TENM4: variants seen among roughly 807,000 people sequenced by gnomAD.
The protein encoded by TENM4 is teneurin-4.
In TENM4, 82 loss-of-function variants were observed where a neutral mutation model predicts 243.3. The observed-to-expected ratio is 0.34, with a 90% CI of 0.28 to 0.40. The LOEUF is 0.40. Among genes scored for constraint, TENM4 ranks in the 10% least tolerant of loss-of-function variants. The pLI is 1.00. For synonymous variants in TENM4, 1,412 were observed against 1,456.3 expected (o/e 0.97, Z 0.69); for missense variants, 3,138 against 3,673.3 (o/e 0.85, Z 3.77).
intron 28 of TENM4, 120 bp from the exon 29 acceptor site, chr11:78,688,346 A>G: frequency 9.0e-7 from 1 of 1,111,382 alleles, no homozygotes; most frequent in Non-Finnish European, 1.3e-6. Flanking sequence ...GGCTGGATAC[A>G]TTCCCATGTC....
intron 7 of TENM4, among the ~76,000 whole-genome samples, chr11:78,901,645 C>T (rs79300704): frequency 4.7e-4 from 72 of 152,154 alleles, no homozygotes; most frequent in African/African-American, 1.6e-3. Context: ...TCAGAACCAT[C>T]GATTAGTGGC....
Position 78,779,574 on chromosome 11 carries a change from A to G in TENM4, c.2366-946T>C, listed in dbSNP as rs184041022. ...GGCAGGCCTCTTAATTCCCAGCATG[A>G]ATCACTAATACCATTTCACCTGCCC... is the stretch of plus-strand genomic sequence containing the variant. On this transcript the variant is annotated intron_variant, in intron 16 of 33. Transcript: ENST00000278550. Among the ~76,000 whole-genome samples the G allele has an allele frequency of 4.4e-3, 668 of 152,306 alleles. 12 individuals are homozygous for G. The highest frequency in any genetic ancestry group is 9.7e-4 in the Non-Finnish European group (66 of 68,032).
chr11:78,940,882 C>A (rs1049623974), intron 6 of TENM4, among the ~76,000 whole-genome samples: 9 of 152,196 alleles, frequency 5.9e-5, no homozygotes, highest in Non-Finnish European at 1.2e-4. Flanking sequence ...CTCTTCTCTC[C>A]CTGGTCCTAG....
chr11:78,908,947 G>C (rs1039359777), intron 6 of TENM4, among the ~76,000 whole-genome samples: 1 of 152,200 alleles, frequency 6.6e-6, no homozygotes, highest in South Asian at 2.1e-4. Flanking sequence ...GTGGTTGGGA[G>C]GACAGCTGGC....
intron 2 of TENM4, among the ~76,000 whole-genome samples, chr11:79,295,130 G>C (rs1017164160): frequency 2.0e-5 from 3 of 152,198 alleles, no homozygotes; most frequent in African/African-American, 7.2e-5. Flanking sequence ...GGTGCCCAGA[G>C]AGGAACAAAA....
chr11:79,134,678 C>T (rs1166646422), intron 4 of TENM4, among the ~76,000 whole-genome samples: 1 of 151,982 alleles, frequency 6.6e-6, no homozygotes, highest in Non-Finnish European at 1.5e-5. Flanking sequence ...AATAGAGAAC[C>T]CAGAAATAAA....
intron 1 of TENM4, among the ~76,000 whole-genome samples, chr11:79,346,051 A>C (rs1345483987): frequency 3.3e-5 from 5 of 152,184 alleles, no homozygotes; most frequent in Non-Finnish European, 7.4e-5. Context: ...TTCAGTCCTG[A>C]CGACCTGATC....
chr11:78,909,974 C>T (rs1269675585), intron 6 of TENM4, among the ~76,000 whole-genome samples: 1 of 152,126 alleles, frequency 6.6e-6, no homozygotes, highest in Non-Finnish European at 1.5e-5. Context: ...CCGGGACAGG[C>T]TATAAGAACC....
chr11:79,057,620 A>G (rs921364194), intron 6 of TENM4, among the ~76,000 whole-genome samples: 1 of 151,932 alleles, frequency 6.6e-6, no homozygotes, highest in Non-Finnish European at 1.5e-5. Context: ...TTCATCATCA[A>G]TTTTCCCACT....
intron 12 of TENM4, among the ~76,000 whole-genome samples, chr11:78,850,812 A>G (rs895616207): frequency 6.6e-6 from 1 of 152,094 alleles, no homozygotes; most frequent in Non-Finnish European, 1.5e-5. Flanking sequence ...CACGATGGGG[A>G]TTGCAAAGTA....
intron 6 of TENM4, among the ~76,000 whole-genome samples, chr11:79,043,627 T>C (rs1859591436): frequency 6.6e-6 from 1 of 152,334 alleles, no homozygotes; most frequent in African/African-American, 2.4e-5. Flanking sequence ...TGTTAACCTA[T>C]GCTGACAAAT....
At chr11:78,930,183 G>C (rs1856637955) in intron 6 of TENM4, among the ~76,000 whole-genome samples, 1 of 152,172 alleles carries the variant, frequency 6.6e-6, no homozygotes, top group South Asian at 2.1e-4. Flanking sequence ...TTCCACATCA[G>C]TACAAGTGCC....
intron 6 of TENM4, among the ~76,000 whole-genome samples, chr11:78,920,648 A>C (rs904217876): frequency 3.3e-5 from 5 of 152,256 alleles, no homozygotes; most frequent in African/African-American, 1.2e-4. Flanking sequence ...TAATGACTGA[A>C]ATTAGGCAAA....
At chr11:79,226,598 T>C (rs945282058) in intron 2 of TENM4, among the ~76,000 whole-genome samples, 7 of 152,250 alleles carry the variant, frequency 4.6e-5, no homozygotes, top group African/African-American at 1.4e-4. Context: ...CACCATAGTA[T>C]GAATGAACAG....
intron 6 of TENM4, among the ~76,000 whole-genome samples, chr11:78,970,910 A>G (rs571507132): frequency 9.9e-5 from 15 of 152,188 alleles, no homozygotes; most frequent in Non-Finnish European, 1.6e-4. Flanking sequence ...CACATTAACA[A>G]CGGTTATCAC....
rs548284511 is a variant in TENM4, at chr11:79,405,985, G to A, written c.-321+34524C>T. Reference sequence around the variant, plus strand: ...TGCACACATCTGGCCCTGCCCCAGAGCTGGGACCAGAATCTCTACGGTGAT... The same window carrying A: ...TGCACACATCTGGCCCTGCCCCAGAACTGGGACCAGAATCTCTACGGTGAT... On this transcript the variant is annotated intron_variant, in intron 1 of 33. Transcript: ENST00000278550. Among the ~76,000 whole-genome samples, 8 of 152,166 alleles carry A rather than the reference G, an allele frequency of 5.3e-5. No homozygotes were observed. The South Asian group carries it at 1.0e-3, about 20-fold the overall frequency.
Position 79,233,709 on chromosome 11 carries a change from T to C in TENM4, c.-264-17800A>G, listed in dbSNP as rs576012894. Among the ~76,000 whole-genome samples the C allele has an allele frequency of 8.5e-5, 13 of 152,276 alleles. No individual in the cohort carries two copies. In the South Asian group the frequency reaches 2.7e-3, roughly 32 times the overall value. On this transcript the variant is annotated intron_variant, in intron 2 of 33. Coordinates refer to ENST00000278550, the MANE Select transcript of TENM4 (RefSeq NM_001098816.3). ...GGGTAGAAGCAGGCCTGTGGGCCAG[T>C]AGAGCCCTGGTATGTATTCCTACCC...
At chr11:78,836,071 G>T (rs1472588022) in intron 12 of TENM4, among the ~76,000 whole-genome samples, 1 of 152,204 alleles carries the variant, frequency 6.6e-6, no homozygotes, top group Non-Finnish European at 1.5e-5. Flanking sequence ...AGCCTTTCAG[G>T]GTTGGGGGCA....
At chr11:79,099,833 A>AT (rs549652435) in intron 4 of TENM4, among the ~76,000 whole-genome samples, 199 of 152,308 alleles carry the variant, frequency 1.3e-3, no homozygotes, top group Non-Finnish European at 2.5e-3. Flanking sequence ...ATCTGTACCC[A>AT]TCTATCTGCC....
Sources: allele counts gnomAD v4.1 joint callset (sites outside exome capture counted in the v4.1 genomes callset), GRCh38; gene constraint gnomAD v4.1.1; transcripts MANE v1.5; gene names NCBI Gene and HGNC (gene_info 2026-07-23, HGNC 2026-07-21).